Variants in PLEKHH2 observed in about 807,000 individuals in gnomAD.
The protein encoded by PLEKHH2 is pleckstrin homology, MyTH4 and FERM domain containing H2.
A neutral mutation model predicts 187.9 loss-of-function variants in PLEKHH2; 129 were observed. The ratio of observed to expected loss-of-function variants is 0.69; its 90% CI spans 0.59 to 0.79. The LOEUF (loss-of-function observed/expected upper bound fraction) is 0.79, where lower values mean the gene tolerates loss of function less well. Ranked by LOEUF, PLEKHH2 falls within the 30% of genes least tolerant of loss-of-function variation. The pLI is 0.00. For missense variants in PLEKHH2, 2,076 were observed against 1,751.2 expected (o/e 1.19, Z -3.31); for synonymous variants, 686 against 605.6 (o/e 1.13, Z -1.95).
intron 15 of PLEKHH2, among the ~76,000 whole-genome samples, chr2:43,717,746 G>A (rs1199487787): frequency 2.0e-5 from 3 of 152,230 alleles, no homozygotes; most frequent in African/African-American, 7.2e-5. Context: ...TGACCTTGAA[G>A]AAGTTACTTA....
intron 27 of PLEKHH2, among the ~76,000 whole-genome samples, chr2:43,761,250 GA>G (rs1672417119): frequency 6.6e-6 from 1 of 152,028 alleles, no homozygotes; most frequent in African/African-American, 2.4e-5. Flanking sequence ...AAATAGTTAA[GA>G]TTTTTTTTAG....
intron 2 of PLEKHH2, among the ~76,000 whole-genome samples, chr2:43,649,543 C>T (rs1201976060): frequency 6.6e-6 from 1 of 152,152 alleles, no homozygotes; most frequent in Non-Finnish European, 1.5e-5. Context: ...CCTTGGACAG[C>T]ATAGTATATG....
chr2:43,666,495 T>TC (rs1667222849), intron 2 of PLEKHH2, among the ~76,000 whole-genome samples: 2 of 147,228 alleles, frequency 1.4e-5, no homozygotes, highest in Admixed American at 6.6e-5. Flanking sequence ...TCTTGGCTCC[T>TC]CCCCCAACAT....
intron 19 of PLEKHH2, among the ~76,000 whole-genome samples, chr2:43,732,196 T>G (rs1671078493): frequency 6.6e-6 from 1 of 152,020 alleles, no homozygotes; most frequent in African/African-American, 2.4e-5. Context: ...AAACCCCATC[T>G]CTACTAAAAA....
chr2:43,692,061 T>G (rs918859517), intron 3 of PLEKHH2, among the ~76,000 whole-genome samples: 4 of 152,196 alleles, frequency 2.6e-5, no homozygotes, highest in African/African-American at 9.7e-5. Context: ...CCCCTTTCCA[T>G]TGTGTATATG....
intron 23 of PLEKHH2, among the ~76,000 whole-genome samples, chr2:43,745,612 A>G (rs1157760881): frequency 6.6e-6 from 1 of 152,192 alleles, no homozygotes; most frequent in Non-Finnish European, 1.5e-5. Flanking sequence ...GCAGTCCTAC[A>G]TTACAGTTCC....
chr2:43,736,875 G>A (rs1361422684), intron 19 of PLEKHH2, among the ~76,000 whole-genome samples: 5 of 152,132 alleles, frequency 3.3e-5, no homozygotes, highest in African/African-American at 1.2e-4. Flanking sequence ...TAAAGAGAGG[G>A]AGGGAGGGAG....
chr2:43,646,398 G>C (rs186526581), intron 2 of PLEKHH2, among the ~76,000 whole-genome samples: 1 of 152,030 alleles, frequency 6.6e-6, no homozygotes, highest in Non-Finnish European at 1.5e-5. Flanking sequence ...AAACCTCATG[G>C]ACACTTCCCA....
intron 24 of PLEKHH2, among the ~76,000 whole-genome samples, chr2:43,751,545 A>G (rs1205721507): frequency 5.3e-5 from 8 of 152,206 alleles, no homozygotes; most frequent in Non-Finnish European, 7.3e-5. Flanking sequence ...ATATTTGCGT[A>G]GTGGTACTGG....
At position 43,679,794 on chromosome 2, in the gene PLEKHH2, A is replaced by G. The variant is rs1668073580; in HGVS notation, c.186+869A>G. 2.0e-5 allele frequency among the ~76,000 whole-genome samples: 3 copies of G among 152,030 alleles called. No individual in the cohort carries two copies. In the South Asian group the frequency reaches 6.2e-4, roughly 32 times the overall value. ...TATGAGGTATTGTGCCTGGCCCCCTATATTTTCATACTTTGAGTTTTTTAA... is the reference window on the plus strand; with the variant it reads ...TATGAGGTATTGTGCCTGGCCCCCTGTATTTTCATACTTTGAGTTTTTTAA... On this transcript the variant is annotated intron_variant, in intron 3 of 29. Transcript: ENST00000282406.
chr2:43,712,026 A>T, intron 14 of PLEKHH2, 199 bp from the exon 15 acceptor site: 1 of 1,275,476 alleles, frequency 7.8e-7, no homozygotes, highest in Non-Finnish European at 1.0e-6. Flanking sequence ...TATTTCCACA[A>T]AAATTTAATT....
chr2:43,697,350 A>G lies in PLEKHH2; in HGVS notation c.682A>G (p.Met228Val), dbSNP rs10175843. ...ACCTGAGTTCACTGAAGGAAAAGACATGGAAGGTATTTATGAACTACAGGA... is the reference window on the plus strand; with the variant it reads ...ACCTGAGTTCACTGAAGGAAAAGACGTGGAAGGTATTTATGAACTACAGGA... ...KEPEFTEGKD[M>V]EEMEIPEKSV... Residue 228 changes from methionine to valine, a missense_variant, in exon 7 of 30, where the codon ATG (methionine) becomes GTG (valine). Coordinates refer to ENST00000282406, the MANE Select transcript of PLEKHH2 (RefSeq NM_172069.4). 2,435 of 1,607,414 alleles carry G rather than the reference A, an allele frequency of 1.5e-3. 31 individuals carry two copies. In the African/African-American group the frequency reaches 0.03, roughly 20 times the overall value.
At chr2:43,759,781 C>T (rs1203437913) in intron 27 of PLEKHH2, among the ~76,000 whole-genome samples, 1 of 152,150 alleles carries the variant, frequency 6.6e-6, no homozygotes, top group East Asian at 1.9e-4. Flanking sequence ...GTGCTTTGCA[C>T]GTAATTAATA....
chr2:43,692,961 T>C (rs1668885728), intron 4 of PLEKHH2, among the ~76,000 whole-genome samples: 2 of 152,210 alleles, frequency 1.3e-5, no homozygotes, highest in Non-Finnish European at 1.5e-5. Flanking sequence ...TCACCCAAGC[T>C]GAAGTGCAGT....
In PLEKHH2 at chr2:43,707,548, G is replaced by A. The variant is rs899729083; in HGVS notation, c.1966+3G>A. On this transcript the variant is annotated splice_donor_region_variant and intron_variant, in intron 11 of 29. Coordinates refer to ENST00000282406, the MANE Select transcript of PLEKHH2 (RefSeq NM_172069.4). The stretch of plus-strand genomic sequence containing the variant: ...CAGCCCCAGAGCCATGAAACGAGGT[G>A]AGGGAAAATCGCAGGCATATGAGGC... 1.2e-6 allele frequency: 2 copies of A among 1,613,802 alleles called. No homozygotes were observed. The highest frequency in any genetic ancestry group is 1.3e-5 in the African/African-American group (1 of 75,038).
chr2:43,696,220 C>G (rs1399994707), intron 6 of PLEKHH2, among the ~76,000 whole-genome samples: 2 of 152,104 alleles, frequency 1.3e-5, no homozygotes, highest in African/African-American at 4.8e-5. Context: ...CTCCTGTAAT[C>G]CCAGCATTTT....
intron 15 of PLEKHH2, among the ~76,000 whole-genome samples, chr2:43,718,892 T>A (rs940753209): frequency 6.6e-6 from 1 of 152,226 alleles, no homozygotes; most frequent in Non-Finnish European, 1.5e-5. Context: ...AACAGCATTC[T>A]AAATCCATCA....
intron 15 of PLEKHH2, among the ~76,000 whole-genome samples, chr2:43,719,628 C>G (rs1670383089): frequency 1.3e-5 from 2 of 152,146 alleles, no homozygotes; most frequent in Non-Finnish European, 2.9e-5. Flanking sequence ...TTAGTAGAGA[C>G]AAGGTTTCCC....
chr2:43,711,039 G>C (rs2104518309), intron 14 of PLEKHH2: 1 of 990,276 alleles, frequency 1.0e-6, no homozygotes, highest in Non-Finnish European at 1.2e-6. Flanking sequence ...AGCAGAGGGA[G>C]TGTGCTGCCA....
Sources: gnomAD v4.1 joint callset for allele counts (sites outside exome capture counted in the v4.1 genomes callset) on GRCh38, gnomAD v4.1.1 for gene constraint, MANE v1.5 for transcripts, NCBI Gene and HGNC (gene_info 2026-07-23, HGNC 2026-07-21) for gene names.